The following SRGAP1 variants were observed in gnomAD, a reference collection of about 807,000 sequenced individuals.
The protein encoded by SRGAP1 is SLIT-ROBO Rho GTPase activating protein 1, also known as SLIT-ROBO Rho GTPase-activating protein 1.
In SRGAP1, 43 loss-of-function variants were observed where a neutral mutation model predicts 121.9. The observed-to-expected ratio is 0.35, with a 90% CI of 0.28 to 0.46. SRGAP1 has a LOEUF of 0.46. Among genes scored for constraint, SRGAP1 ranks in the 20% least tolerant of loss-of-function variants. The pLI is 1.00. For missense variants in SRGAP1, 1,102 were observed against 1,350.9 expected (o/e 0.82, Z 2.89); for synonymous variants, 447 against 485.4 (o/e 0.92, Z 1.04).
chr12:64,067,324 C>CT (rs2035558794), intron 8 of SRGAP1, among the ~76,000 whole-genome samples: 1 of 152,158 alleles, frequency 6.6e-6, no homozygotes, highest in Non-Finnish European at 1.5e-5. Context: ...GAGGGAGGAT[C>CT]TGTTGAGCCT....
At chr12:63,867,581 A>C (rs1034508341) in intron 1 of SRGAP1, among the ~76,000 whole-genome samples, 8 of 152,158 alleles carry the variant, frequency 5.3e-5, no homozygotes, top group Non-Finnish European at 1.2e-4. Flanking sequence ...GATATGATGA[A>C]TCAATCTTAT....
intron 1 of SRGAP1, among the ~76,000 whole-genome samples, chr12:63,962,730 C>T (rs1056093446): frequency 2.6e-5 from 4 of 152,086 alleles, no homozygotes; most frequent in African/African-American, 9.7e-5. Context: ...TTTTCTAATT[C>T]TCATTATACC....
Position 63,854,508 on chromosome 12 carries a change from A to G in SRGAP1, c.67+9625A>G, listed in dbSNP as rs189489587. Among the ~76,000 whole-genome samples the G allele has an allele frequency of 1.4e-4, 22 of 152,364 alleles. No homozygotes were observed. The East Asian group carries it at 3.9e-3, about 27-fold the overall frequency. On this transcript the variant is annotated intron_variant, in intron 1 of 21. Transcript: ENST00000355086. ...AGAAATACGTAGGGATACAGATAAA[A>G]TACAAAATGAATTGATAATCCGTGG... is the stretch of plus-strand genomic sequence containing the variant.
chr12:64,119,640 A>G (rs2036573432), intron 18 of SRGAP1, among the ~76,000 whole-genome samples: 2 of 152,018 alleles, frequency 1.3e-5, no homozygotes, highest in African/African-American at 4.8e-5. Context: ...TAATATAAAC[A>G]TTTAAAGCTG....
At chr12:64,072,149 G>GT (rs1159654414) in intron 8 of SRGAP1, among the ~76,000 whole-genome samples, 15 of 18,424 alleles carry the variant, frequency 8.1e-4, no homozygotes, top group African/African-American at 1.5e-3. Flanking sequence ...TGTGTGTGTG[G>GT]GCGGCGGGGG....
intron 1 of SRGAP1, among the ~76,000 whole-genome samples, chr12:63,852,056 G>GGCTCA (rs1303076088): frequency 1.3e-5 from 2 of 152,214 alleles, no homozygotes; most frequent in African/African-American, 4.8e-5. Flanking sequence ...GCCCAATCTC[G>GGCTCA]GCTCAGCTCA....
At chr12:63,902,608 A>G (rs2029990318) in intron 1 of SRGAP1, among the ~76,000 whole-genome samples, 1 of 152,180 alleles carries the variant, frequency 6.6e-6, no homozygotes, top group Non-Finnish European at 1.5e-5. Flanking sequence ...AAGTAACTAA[A>G]TCCATTTTAA....
At chr12:64,003,006 G>A (rs2033948380) in intron 3 of SRGAP1, among the ~76,000 whole-genome samples, 1 of 148,398 alleles carries the variant, frequency 6.7e-6, no homozygotes, top group African/African-American at 2.5e-5. Flanking sequence ...AGATCTTGGG[G>A]GGGGTGTGTA....
Position 64,042,815 on chromosome 12 carries a change from A to ATGCAGAGAGCATCAG in SRGAP1, c.527_541dup (p.Ile176_Ser180dup), listed in dbSNP as rs769663147. The stretch of plus-strand genomic sequence containing the variant: ...GTGATGAAAACATACCATATGTATC[A>ATGCAGAGAGCATCAG]TGCAGAGAGCATCAGTGCAGAGAGC... On this transcript the variant is annotated inframe_insertion, in exon 5 of 22. Transcript: ENST00000355086. 6.2e-7 allele frequency: 1 copy of ATGCAGAGAGCATCAG among 1,613,884 alleles called. No individual in the cohort carries two copies. Among genetic ancestry groups the ATGCAGAGAGCATCAG allele is most frequent in the South Asian group, 1.1e-5 (1 of 91,062 alleles).
chr12:64,004,953 T>C (rs969286980), intron 3 of SRGAP1, among the ~76,000 whole-genome samples: 9 of 152,140 alleles, frequency 5.9e-5, no homozygotes, highest in Non-Finnish European at 8.8e-5. Flanking sequence ...TTGGGGGAGA[T>C]TGTACATATA....
rs2036178312 is a variant in SRGAP1, at chr12:64,097,386, A to AT, written c.1813+18dup. 3.7e-6 allele frequency: 6 copies of AT among 1,602,342 alleles called. No homozygotes were observed. The highest frequency in any genetic ancestry group is 1.4e-5 in the African/African-American group (1 of 73,932). On this transcript the variant is annotated intron_variant, in intron 15 of 21. Transcript: ENST00000355086. Reference sequence around the variant, plus strand: ...TGATTTCTTGTATCAGTAAGTGGACATTTTTTTCATCTTTTCCCACAAGAA... The same window carrying AT: ...TGATTTCTTGTATCAGTAAGTGGACATTTTTTTTCATCTTTTCCCACAAGAA...
intron 1 of SRGAP1, among the ~76,000 whole-genome samples, chr12:63,956,710 G>A (rs529267408): frequency 9.0e-4 from 123 of 136,324 alleles, no homozygotes; most frequent in African/African-American, 3.2e-3. Context: ...TTGATGATCA[G>A]TAAGCAAGGC....
chr12:64,142,752 T>G lies in SRGAP1; in HGVS notation c.*80T>G, dbSNP rs2036987250. ...GTGACAAAAGTCACTGATCCATAAC[T>G]TTCCTTAGTTTTGTGCTTATAACTG... On this transcript the variant is annotated 3_prime_UTR_variant, in exon 22 of 22. Transcript: ENST00000355086. 6.6e-7 allele frequency: 1 copy of G among 1,517,426 alleles called. No individual in the cohort carries two copies. The highest frequency in any genetic ancestry group is 1.3e-5 in the South Asian group (1 of 75,048). 94.0% of individuals were successfully genotyped at this position (1,517,426 alleles called of 1,614,324 possible). A position where few individuals can be genotyped will look rare whatever the true frequency, so the allele number is the denominator to read the frequency against.
At chr12:64,061,455 G>A (rs1261897616) in intron 6 of SRGAP1, among the ~76,000 whole-genome samples, 1 of 152,144 alleles carries the variant, frequency 6.6e-6, no homozygotes, top group East Asian at 1.9e-4. Context: ...ATCAGTATCA[G>A]TATTGCACAA....
At chr12:64,100,689 T>C (rs981036467) in intron 15 of SRGAP1, among the ~76,000 whole-genome samples, 17 of 152,196 alleles carry the variant, frequency 1.1e-4, no homozygotes, top group African/African-American at 4.1e-4. Context: ...AACATACATA[T>C]TGACACTAAC....
At chr12:63,909,816 C>T (rs1375125564) in intron 1 of SRGAP1, among the ~76,000 whole-genome samples, 2 of 152,158 alleles carry the variant, frequency 1.3e-5, no homozygotes, top group African/African-American at 4.8e-5. Flanking sequence ...TGCTGGCAGG[C>T]CAGAAACTCA....
intron 4 of SRGAP1, 116 bp downstream of exon 4, chr12:64,017,128 C>T: frequency 1.6e-6 from 1 of 618,158 alleles, no homozygotes; most frequent in South Asian, 2.7e-5. Flanking sequence ...TCCTCATCTG[C>T]TTGAAATACA....
intron 19 of SRGAP1, 84 bp downstream of exon 19, chr12:64,126,241 G>A: frequency 1.4e-6 from 2 of 1,464,022 alleles, no homozygotes; most frequent in Non-Finnish European, 1.9e-6. Flanking sequence ...GGTCTTGTGA[G>A]AAAGGAGCAG....
intron 1 of SRGAP1, among the ~76,000 whole-genome samples, chr12:63,967,242 A>AC (rs1259413339): frequency 6.6e-5 from 10 of 152,090 alleles, no homozygotes; most frequent in Non-Finnish European, 1.3e-4. Context: ...GGAGTTCAAG[A>AC]CCCACCTTGG....
Sources: allele counts gnomAD v4.1 joint callset (sites outside exome capture counted in the v4.1 genomes callset), GRCh38; gene constraint gnomAD v4.1.1; transcripts MANE v1.5; gene names NCBI Gene and HGNC (gene_info 2026-07-23, HGNC 2026-07-21).